The following SACS variants were observed in gnomAD, a reference collection of about 807,000 sequenced individuals.
The protein encoded by SACS is sacsin.
SACS carries 197 observed loss-of-function variants against 348.0 expected under a neutral mutation model. That is an observed-to-expected ratio of 0.57 (90% CI 0.50 to 0.64). The LOEUF (loss-of-function observed/expected upper bound fraction) is 0.64, where lower values mean the gene tolerates loss of function less well. Ranked by LOEUF, SACS falls within the 30% of genes least tolerant of loss-of-function variation. The probability of loss-of-function intolerance (pLI) is 0.00; values close to 1 mark genes in which losing one functional copy is unlikely to be tolerated. For synonymous variants in SACS, 1,985 were observed against 1,910.6 expected (o/e 1.04, Z -1.02); for missense variants, 4,999 against 5,360.8 (o/e 0.93, Z 2.11).
At chr13:23,431,448 AG>A in intron 1 of SACS, among the ~76,000 whole-genome samples, 1 of 152,360 alleles carries the variant, frequency 6.6e-6, no homozygotes, top group African/African-American at 2.4e-5. Context: ...GAAAGACGGC[AG>A]GAGAAAGACA....
At chr13:23,341,871 C>T (rs916897440) in intron 9 of SACS, among the ~76,000 whole-genome samples, 181 bp from the exon 10 acceptor site, 17 of 147,842 alleles carry the variant, frequency 1.1e-4, no homozygotes, top group Non-Finnish European at 1.9e-4. Flanking sequence ...ACTGCAAGCT[C>T]CGCCTCCCGG....
chr13:23,359,927 C>T (rs1870624807), intron 6 of SACS, among the ~76,000 whole-genome samples: 1 of 152,154 alleles, frequency 6.6e-6, no homozygotes, highest in Non-Finnish European at 1.5e-5. Context: ...GGCATGACTA[C>T]TATTTTTAAA....
At chr13:23,353,713 A>G (rs1870119824) in intron 9 of SACS, 72 bp downstream of exon 9, 2 of 836,412 alleles carry the variant, frequency 2.4e-6, no homozygotes, top group African/African-American at 1.7e-5. Context: ...TCTAAAATGA[A>G]TAACAGAAAA....
intron 1 of SACS, chr13:23,427,062 C>A (rs549295827): frequency 3.9e-5 from 6 of 152,260 alleles, no homozygotes; most frequent in South Asian, 2.1e-4. Flanking sequence ...GCTTGAGAAT[C>A]GCATAATCTC....
chr13:23,414,274 C>T (rs576093928), intron 1 of SACS, among the ~76,000 whole-genome samples: 1 of 152,050 alleles, frequency 6.6e-6, no homozygotes, highest in Non-Finnish European at 1.5e-5. Context: ...ACTGCACTCT[C>T]GCCTGGGTGA....
chr13:23,371,159 C>A lies in SACS; in HGVS notation c.178G>T (p.Asp60Tyr). ...RLWRGGRELS[D>Y]WIKIGDLTSK... Reference sequence around the variant, plus strand: ...GTCAGATCTCCAATCTTGATCCAGTCAGATAACTGAAAAAAAGCAAAAGAA... The same window carrying A: ...GTCAGATCTCCAATCTTGATCCAGTAAGATAACTGAAAAAAAGCAAAAGAA... Residue 60 changes from aspartate (D) to tyrosine (Y), a missense_variant, in exon 4 of 10, where the codon GAC (aspartate) becomes TAC (tyrosine). Coordinates refer to ENST00000382292, the MANE Select transcript of SACS (RefSeq NM_014363.6). 6.2e-7 allele frequency: 1 copy of A among 1,605,402 alleles called. No individual in the cohort carries two copies. The highest frequency in any genetic ancestry group is 1.1e-5 in the South Asian group (1 of 90,170).
Position 23,340,993 on chromosome 13 carries a change from TCGC to T in SACS, c.2880_2882del (p.Arg961del). On this transcript the variant is annotated inframe_deletion, in exon 10 of 10. Coordinates refer to ENST00000382292, the MANE Select transcript of SACS (RefSeq NM_014363.6). ...TACTGTCTATTACTGAAATAGAAAGTCGCAGATCTGCTGGGAGTTTGGCAGTAT... is the reference window on the plus strand; with the variant it reads ...TACTGTCTATTACTGAAATAGAAAGTAGATCTGCTGGGAGTTTGGCAGTAT... 1 of 1,614,166 alleles carries T rather than the reference TCGC, an allele frequency of 6.2e-7. No individual in the cohort carries two copies. The highest frequency in any genetic ancestry group is 8.5e-7 in the Non-Finnish European group (1 of 1,179,998).
At position 23,339,639 on chromosome 13, in the gene SACS, CAAGT is replaced by C; in HGVS notation, c.4233_4236del (p.Leu1412LysfsTer16). Reference sequence around the variant, plus strand: ...AAAATGATTGGTTCCACAGAATCTTCAAGTAAGTCATTAAGGTCATCAACTTTAA... The same window carrying C: ...AAAATGATTGGTTCCACAGAATCTTCAAGTCATTAAGGTCATCAACTTTAA... On this transcript the variant is annotated frameshift_variant, in exon 10 of 10. Transcript: ENST00000382292. LOFTEE classifies it high-confidence loss of function. The C allele has an allele frequency of 6.2e-7, 1 of 1,612,306 alleles. No homozygotes were observed. The highest frequency in any genetic ancestry group is 2.2e-5 in the East Asian group (1 of 44,836).
intron 2 of SACS, among the ~76,000 whole-genome samples, chr13:23,382,061 A>G (rs1872079304): frequency 6.6e-6 from 1 of 152,278 alleles, no homozygotes; most frequent in South Asian, 2.1e-4. Context: ...GCTGTTCTGT[A>G]GAACAATTAT....
chr13:23,387,786 A>C (rs1872356019), intron 2 of SACS, among the ~76,000 whole-genome samples: 1 of 152,210 alleles, frequency 6.6e-6, no homozygotes, highest in African/African-American at 2.4e-5. Flanking sequence ...TCTGTCCCTT[A>C]AACTTTTTTA....
intron 6 of SACS, among the ~76,000 whole-genome samples, chr13:23,359,685 AGAT>A (rs1206623014): frequency 6.6e-6 from 1 of 152,160 alleles, no homozygotes; most frequent in Non-Finnish European, 1.5e-5. Context: ...CTTACTTTAA[AGAT>A]GATTAATATT....
intron 2 of SACS, among the ~76,000 whole-genome samples, chr13:23,381,286 GC>G (rs893167737): frequency 2.0e-5 from 3 of 151,592 alleles, no homozygotes; most frequent in African/African-American, 7.3e-5. Flanking sequence ...CTCTCTTCAG[GC>G]CTGTCACTGT....
Position 23,398,389 on chromosome 13 carries a change from C to T in SACS, c.20+12831G>A, listed in dbSNP as rs151071576. ...CTCTACTAAAAATATAAAAAATTAGCGAGGCGTGGTGGTGCATGCCTGTAG... is the reference window on the plus strand; with the variant it reads ...CTCTACTAAAAATATAAAAAATTAGTGAGGCGTGGTGGTGCATGCCTGTAG... On this transcript the variant is annotated intron_variant, in intron 2 of 9. Coordinates refer to ENST00000382292, the MANE Select transcript of SACS (RefSeq NM_014363.6). Among the ~76,000 whole-genome samples, 843 of 151,078 alleles carry T rather than the reference C, an allele frequency of 5.6e-3. 9 individuals are homozygous for T. The highest frequency in any genetic ancestry group is 0.019 in the African/African-American group (788 of 41,106).
At chr13:23,349,508 T>C (rs999829051) in intron 9 of SACS, among the ~76,000 whole-genome samples, 1 of 152,254 alleles carries the variant, frequency 6.6e-6, no homozygotes, top group Non-Finnish European at 1.5e-5. Context: ...TTAAACTATA[T>C]GTATTACGTA....
chr13:23,334,387 C>T lies in SACS; in HGVS notation c.9489G>A (p.Leu3163=). The change falls in exon 10 of 10, where the codon TTG becomes TTA. Residue 3163 remains leucine (L), a synonymous_variant. Coordinates refer to ENST00000382292, the MANE Select transcript of SACS (RefSeq NM_014363.6). ...LPLLITLDSV[L]QTFDAKRPKF... Reference sequence around the variant, plus strand: ...TGGGTCGTTTTGCATCAAAAGTTTGCAAAACACTGTCCAGTGTGATGAGAA... The same window carrying T: ...TGGGTCGTTTTGCATCAAAAGTTTGTAAAACACTGTCCAGTGTGATGAGAA... 6.2e-7 allele frequency: 1 copy of T among 1,613,120 alleles called. No individual in the cohort carries two copies. Among genetic ancestry groups the T allele is most frequent in the Non-Finnish European group, 8.5e-7 (1 of 1,179,650 alleles).
intron 9 of SACS, among the ~76,000 whole-genome samples, chr13:23,345,508 C>T (rs1869540033): frequency 6.6e-6 from 1 of 152,172 alleles, no homozygotes; most frequent in African/African-American, 2.4e-5. Flanking sequence ...GACTTCTTAG[C>T]TTTCGTCTTA....
At chr13:23,391,370 G>C (rs753559163) in intron 2 of SACS, among the ~76,000 whole-genome samples, 7 of 152,158 alleles carry the variant, frequency 4.6e-5, no homozygotes, top group Non-Finnish European at 8.8e-5. Context: ...TCCGGCTCAG[G>C]TTGGCCTCTT....
At position 23,333,683 on chromosome 13, in the gene SACS, A is replaced by C; in HGVS notation, c.10193T>G (p.Leu3398Trp). 6.2e-7 allele frequency: 1 copy of C among 1,613,794 alleles called. No homozygotes were observed. The highest frequency in any genetic ancestry group is 8.5e-7 in the Non-Finnish European group (1 of 1,179,756). Reference protein sequence around the residue: ...LMYFNCNLNHLMSQDDIKILK... With the variant: ...LMYFNCNLNHWMSQDDIKILK... The stretch of plus-strand genomic sequence containing the variant: ...AATTTTTATATCATCTTGGGACATC[A>C]AATGATTCAAATTGCAGTTGAAATA... Residue 3398 changes from leucine to tryptophan, a missense_variant, in exon 10 of 10, where the codon TTG (leucine) becomes TGG (tryptophan). Physicochemically the swap from Leu to Trp is moderately conservative, Grantham distance 61. Transcript: ENST00000382292.
chr13:23,388,715 A>C (rs999474256), intron 2 of SACS, among the ~76,000 whole-genome samples: 33 of 136,550 alleles, frequency 2.4e-4, no homozygotes, highest in Non-Finnish European at 3.9e-4. Flanking sequence ...TACAGTGGAC[A>C]CTGGAGACTC....
Sources: gnomAD v4.1 joint callset for allele counts (sites outside exome capture counted in the v4.1 genomes callset) on GRCh38, gnomAD v4.1.1 for gene constraint, MANE v1.5 for transcripts, NCBI Gene and HGNC (gene_info 2026-07-23, HGNC 2026-07-21) for gene names.